The following GRK6 variants were observed in gnomAD, a reference collection of about 807,000 sequenced individuals.
GRK6 encodes G protein-coupled receptor kinase 6.
GRK6 carries 37 observed loss-of-function variants against 80.8 expected under a neutral mutation model. The ratio of observed to expected loss-of-function variants is 0.46; its 90% CI spans 0.35 to 0.60. GRK6 has a LOEUF of 0.60. GRK6 is among the 20% of genes least tolerant of loss of function. The probability of loss-of-function intolerance (pLI) is 0.00; values close to 1 mark genes in which losing one functional copy is unlikely to be tolerated. For missense variants in GRK6, 560 were observed against 784.6 expected (o/e 0.71, Z 3.42); for synonymous variants, 295 against 320.9 (o/e 0.92, Z 0.86).
rs1301984737 is a variant in GRK6, at chr5:177,440,850, C to T, written c.1542+13C>T. ...CTGGCAGAACGAGGTGGGGGCCTGC[C>T]CTGCTGGTGGGGTGGGCTCCAGGAG... is the stretch of plus-strand genomic sequence containing the variant. On this transcript the variant is annotated intron_variant, in intron 14 of 15. Coordinates refer to ENST00000355472, the MANE Select transcript of GRK6 (RefSeq NM_001004106.3). 6.2e-7 allele frequency: 1 copy of T among 1,613,940 alleles called. No homozygotes were observed. Among genetic ancestry groups the T allele is most frequent in the East Asian group, 2.2e-5 (1 of 44,882 alleles).
intron 1 of GRK6, among the ~76,000 whole-genome samples, chr5:177,427,980 G>T (rs1315232312): frequency 6.6e-6 from 1 of 152,236 alleles, no homozygotes; most frequent in Non-Finnish European, 1.5e-5. Context: ...AGGATGACCG[G>T]CACAGTCTAT....
rs763155980 is a variant in GRK6 at position 177,432,092 on chromosome 5, C to G, written c.246C>G (p.Ala82=). 3 of 1,611,236 alleles carry G rather than the reference C, an allele frequency of 1.9e-6. No individual in the cohort carries two copies. The highest frequency in any genetic ancestry group is 2.5e-6 in the Non-Finnish European group (3 of 1,178,664). The change falls in exon 3 of 16, where the codon GCC becomes GCG. Residue 82 remains alanine (A), a synonymous_variant. Transcript: ENST00000355472. ...GGCCGGAGCTGAGCCGCTGCGTCGCCTTCCTGGATGGGGTGGTGAGTGCAG... is the reference window on the plus strand; with the variant it reads ...GGCCGGAGCTGAGCCGCTGCGTCGCGTTCCTGGATGGGGTGGTGAGTGCAG... ...ATRPELSRCV[A]FLDGVAEYEV...
In GRK6 at chr5:177,436,545, C is replaced by T. The variant is rs772896199; in HGVS notation, c.1404+15C>T. 1.3e-6 allele frequency: 2 copies of T among 1,560,884 alleles called. No homozygotes were observed. Among genetic ancestry groups the T allele is most frequent in the Admixed American group, 1.8e-5 (1 of 54,316 alleles). On this transcript the variant is annotated intron_variant, in intron 13 of 15. Coordinates refer to ENST00000355472, the MANE Select transcript of GRK6 (RefSeq NM_001004106.3). ...TCAAGCCTGACGTGAGTGCAGCCCA[C>T]TCCTGCTGAGGGCGGGGCCCAGCCA...
chr5:177,427,771 T>C (rs530464427), intron 1 of GRK6, among the ~76,000 whole-genome samples: 1 of 152,300 alleles, frequency 6.6e-6, no homozygotes, highest in African/African-American at 2.4e-5. Flanking sequence ...GAAGCAGCAG[T>C]AAACAAGACC....
In GRK6 at chr5:177,432,887, C is replaced by T. The variant is rs979211801; in HGVS notation, c.440+81C>T. 18 of 1,170,008 alleles carry T rather than the reference C, an allele frequency of 1.5e-5. No homozygotes were observed. The African/African-American group carries it at 2.0e-4, about 13-fold the overall frequency. 72.5% of individuals were successfully genotyped at this position (1,170,008 alleles called of 1,614,324 possible). A position where few individuals can be genotyped will look rare whatever the true frequency, so the allele number is the denominator to read the frequency against. ...GGGGCCAGGAAGACTGTGAACAGCT[C>T]GGTGGCTGGTGAGGGAGCTCAGCTG... On this transcript the variant is annotated intron_variant, in intron 5 of 15. Transcript: ENST00000355472.
chr5:177,430,851 A>G lies in GRK6; in HGVS notation c.53-21A>G, dbSNP rs372668618. 1.2e-5 allele frequency: 20 copies of G among 1,610,320 alleles called. No homozygotes were observed. The African/African-American group carries it at 2.4e-4, about 19-fold the overall frequency. On this transcript the variant is annotated intron_variant, in intron 1 of 15. Coordinates refer to ENST00000355472, the MANE Select transcript of GRK6 (RefSeq NM_001004106.3). Reference sequence around the variant, plus strand: ...TCTGAGGCAGTGGGACTCGAGACCCAGTGTCCTATTGCTCCCACAGGTGGC... The same window carrying G: ...TCTGAGGCAGTGGGACTCGAGACCCGGTGTCCTATTGCTCCCACAGGTGGC...
rs780679738 is a variant in GRK6 at position 177,430,992 on chromosome 5, G to A, written c.148+25G>A. The A allele has an allele frequency of 6.3e-6, 10 of 1,598,344 alleles. No individual in the cohort carries two copies. The South Asian group carries it at 1.1e-4, about 18-fold the overall frequency. On this transcript the variant is annotated intron_variant, in intron 2 of 15. Coordinates refer to ENST00000355472, the MANE Select transcript of GRK6 (RefSeq NM_001004106.3). ...GGTGAGGCCTGGGCAGAGACTGGGG[G>A]TGCTGAGGCGAGGGGCCCTGCTGGG...
At chr5:177,434,978 G>A in intron 10 of GRK6, 39 bp downstream of exon 10, 1 of 1,613,400 alleles carries the variant, frequency 6.2e-7, no homozygotes, top group Non-Finnish European at 8.5e-7. Context: ...GGTGGGGTGA[G>A]ATGCAGAGGC....
Position 177,440,837 on chromosome 5 carries a change from G to A in GRK6, c.1542G>A (p.Glu514=). The A allele has an allele frequency of 6.2e-7, 1 of 1,614,038 alleles. No homozygotes were observed. The highest frequency in any genetic ancestry group is 8.5e-7 in the Non-Finnish European group (1 of 1,180,014). Residue 514 remains glutamate (E), a splice_region_variant and synonymous_variant, in exon 14 of 16, where the codon GAG becomes GAA. Coordinates refer to ENST00000355472, the MANE Select transcript of GRK6 (RefSeq NM_001004106.3). ...GTGTGCCCATCCCCTGGCAGAACGA[G>A]GTGGGGGCCTGCCCTGCTGGTGGGG... ...TGSVPIPWQN[E]MVETECFQEL... is the part of the protein sequence containing the mutation.
chr5:177,430,307 C>T (rs773786511), intron 1 of GRK6, among the ~76,000 whole-genome samples: 1 of 152,232 alleles, frequency 6.6e-6, no homozygotes, highest in Non-Finnish European at 1.5e-5. Context: ...TCTGCGAGGT[C>T]AAGCAAGACA....
At chr5:177,441,404 T>G (rs1269844689) in intron 15 of GRK6, 1 of 900,542 alleles carries the variant, frequency 1.1e-6, no homozygotes, top group Middle Eastern at 2.6e-4. Flanking sequence ...CCTGGCCCCT[T>G]CGAGCTGCCA....
chr5:177,435,201 G>A (rs988555883), intron 11 of GRK6, 80 bp downstream of exon 11: 2 of 1,055,078 alleles, frequency 1.9e-6, no homozygotes, highest in Non-Finnish European at 1.4e-6. Flanking sequence ...CTTCTGTCTG[G>A]GAGTCTTCTC....
In GRK6 at chr5:177,436,206, G is replaced by A. The variant is rs777076817; in HGVS notation, c.1191G>A (p.Val397=). ...AGAAGAAGATCAAGCGGGAGGAGGTGGAGCGGCTGGTGAAGGAGGTCCCCG... is the reference window on the plus strand; with the variant it reads ...AGAAGAAGATCAAGCGGGAGGAGGTAGAGCGGCTGGTGAAGGAGGTCCCCG... ...QRKKKIKREE[V]ERLVKEVPEE... The change falls in exon 12 of 16, where the codon GTG becomes GTA. Residue 397 remains valine, a synonymous_variant. Coordinates refer to ENST00000355472, the MANE Select transcript of GRK6 (RefSeq NM_001004106.3). The A allele has an allele frequency of 2.4e-5, 38 of 1,614,094 alleles. 1 individual carries two copies. The South Asian group carries it at 3.3e-4, about 14-fold the overall frequency.
chr5:177,440,677 G>T, intron 13 of GRK6, 23 bp from the exon 14 acceptor site: 2 of 1,612,670 alleles, frequency 1.2e-6, no homozygotes, highest in South Asian at 2.2e-5. Flanking sequence ...TTTCCTATCT[G>T]ACCGTTGCCT....
rs375782279 is a variant in GRK6, at chr5:177,435,150, C to T, written c.1057+29C>T. 45 of 1,530,864 alleles carry T rather than the reference C, an allele frequency of 2.9e-5. No individual in the cohort carries two copies. The African/African-American group carries it at 5.9e-4, about 20-fold the overall frequency. 94.8% of individuals were successfully genotyped at this position (1,530,864 alleles called of 1,614,324 possible). On this transcript the variant is annotated intron_variant, in intron 11 of 15. Transcript: ENST00000355472. Reference sequence around the variant, plus strand: ...AGTCTTCTCTGCCCGGCCCACTAGCCTCCTGGGTTCCCTCACTATCCACCC... The same window carrying T: ...AGTCTTCTCTGCCCGGCCCACTAGCTTCCTGGGTTCCCTCACTATCCACCC...
In GRK6 at chr5:177,426,895, A is replaced by G; in HGVS notation, c.50A>G (p.Glu17Gly). The stretch of plus-strand genomic sequence containing the variant: ...AACACGGTGCTACTCAAGGCCCGGG[A>G]AGGTGAGGCGGCCGGGTGGGCGGCC... Reference protein sequence around the residue: ...VANTVLLKAREGGGGNRKGKS... With the variant: ...VANTVLLKARGGGGGNRKGKS... Residue 17 changes from glutamate to glycine, a missense_variant and splice_region_variant, in exon 1 of 16, where the codon GAA becomes GGA. Coordinates refer to ENST00000355472, the MANE Select transcript of GRK6 (RefSeq NM_001004106.3). 7.2e-7 allele frequency: 1 copy of G among 1,392,268 alleles called. No homozygotes were observed. Among genetic ancestry groups the G allele is most frequent in the Non-Finnish European group, 9.4e-7 (1 of 1,066,022 alleles). 86.2% of individuals were successfully genotyped at this position (1,392,268 alleles called of 1,614,324 possible). A position where few individuals can be genotyped will look rare whatever the true frequency, so the allele number is the denominator to read the frequency against.
At chr5:177,437,277 A>G (rs1322524192) in intron 13 of GRK6, among the ~76,000 whole-genome samples, 1 of 152,142 alleles carries the variant, frequency 6.6e-6, no homozygotes, top group Non-Finnish European at 1.5e-5. Context: ...TTCAAAAGAA[A>G]TCCTCATGGG....
chr5:177,434,605 G>C lies in GRK6; in HGVS notation c.930-297G>C, dbSNP rs531381819. On this transcript the variant is annotated intron_variant, in intron 9 of 15. Transcript: ENST00000355472. ...TCCCATTTGATAGAGAGGAAAGGCA[G>C]AGTCAGTCACCAAGGGGTGGAGACT... is the stretch of plus-strand genomic sequence containing the variant. Among the ~76,000 whole-genome samples the C allele has an allele frequency of 2.0e-5, 3 of 152,346 alleles. No individual in the cohort carries two copies. In the East Asian group the frequency reaches 5.8e-4, roughly 29 times the overall value.
chr5:177,432,878 T>C, intron 5 of GRK6, 72 bp downstream of exon 5: 4 of 1,238,462 alleles, frequency 3.2e-6, no homozygotes, highest in Non-Finnish European at 2.3e-6. Context: ...AGGAAGACTG[T>C]GAACAGCTCG....
Sources: allele counts gnomAD v4.1 joint callset (sites outside exome capture counted in the v4.1 genomes callset), GRCh38; gene constraint gnomAD v4.1.1; transcripts MANE v1.5; gene names NCBI Gene and HGNC (gene_info 2026-07-23, HGNC 2026-07-21).